Variants in DYRK1A observed in about 807,000 individuals in gnomAD.
DYRK1A encodes the protein dual specificity tyrosine phosphorylation regulated kinase 1A, also known as dual specificity tyrosine-phosphorylation-regulated kinase 1A.
DYRK1A carries 9 observed loss-of-function variants against 79.7 expected under a neutral mutation model. The ratio of observed to expected loss-of-function variants is 0.11; its 90% CI spans 0.07 to 0.20. DYRK1A has a LOEUF of 0.20. Among genes scored for constraint, DYRK1A ranks in the 10% least tolerant of loss-of-function variants. DYRK1A has a pLI of 1.00. For synonymous variants in DYRK1A, 349 were observed against 329.7 expected (o/e 1.06, Z -0.63); for missense variants, 622 against 956.0 (o/e 0.65, Z 4.61).
chr21:37,421,480 T>C (rs2050473945), intron 2 of DYRK1A, among the ~76,000 whole-genome samples: 1 of 152,150 alleles, frequency 6.6e-6, no homozygotes, highest in Non-Finnish European at 1.5e-5. Context: ...GAAGTCACCA[T>C]TTTAAGACCG....
At chr21:37,495,907 G>A (rs551217216) in intron 8 of DYRK1A, among the ~76,000 whole-genome samples, 1 of 152,226 alleles carries the variant, frequency 6.6e-6, no homozygotes, top group East Asian at 1.9e-4. Context: ...GACATAATAT[G>A]TTTGTTAATT....
intron 6 of DYRK1A, chr21:37,488,093 G>C (rs1391510050): frequency 3.3e-5 from 5 of 152,212 alleles, no homozygotes; most frequent in Admixed American, 3.3e-4. Flanking sequence ...GACATAGCTG[G>C]CATATAGTTA....
chr21:37,371,585 T>C (rs905703781), intron 1 of DYRK1A, among the ~76,000 whole-genome samples: 13 of 152,228 alleles, frequency 8.5e-5, no homozygotes, highest in African/African-American at 3.1e-4. Context: ...GAGCTATGTA[T>C]CTTCTCTTCT....
intron 2 of DYRK1A, among the ~76,000 whole-genome samples, chr21:37,446,614 G>T (rs1296031762): frequency 6.6e-6 from 1 of 150,512 alleles, no homozygotes; most frequent in South Asian, 2.1e-4. Flanking sequence ...TGGTGTTTCA[G>T]AGTTTACAAG....
intron 2 of DYRK1A, among the ~76,000 whole-genome samples, chr21:37,436,515 C>T (rs2050929413): frequency 6.6e-6 from 1 of 152,172 alleles, no homozygotes; most frequent in Non-Finnish European, 1.5e-5. Context: ...ATGGTTAAAG[C>T]ATAGGACTCT....
rs2053824547 is a variant in DYRK1A, at chr21:37,513,657, T to G, written c.*1126T>G. The G allele has an allele frequency of 6.6e-6, 1 of 152,654 alleles. No homozygotes were observed. The highest frequency in any genetic ancestry group is 1.9e-4 in the East Asian group (1 of 5,204). 9.5% of individuals were successfully genotyped at this position (152,654 alleles called of 1,614,324 possible). A position where few individuals can be genotyped will look rare whatever the true frequency, so the allele number is the denominator to read the frequency against. ...CCTGCTTTTTACTTTTTCTTTTGCTTTTTCTCGGCACGTGGTATCTCCACC... is the reference window on the plus strand; with the variant it reads ...CCTGCTTTTTACTTTTTCTTTTGCTGTTTCTCGGCACGTGGTATCTCCACC... On this transcript the variant is annotated 3_prime_UTR_variant, in exon 12 of 12. Transcript: ENST00000647188.
At chr21:37,410,160 G>A (rs750180874) in intron 1 of DYRK1A, among the ~76,000 whole-genome samples, 1 of 152,166 alleles carries the variant, frequency 6.6e-6, no homozygotes, top group Admixed American at 6.5e-5. Context: ...AATTGAGAAA[G>A]CATGATATTT....
At chr21:37,402,221 T>C (rs2050066285) in intron 1 of DYRK1A, among the ~76,000 whole-genome samples, 1 of 152,230 alleles carries the variant, frequency 6.6e-6, no homozygotes, top group Non-Finnish European at 1.5e-5. Flanking sequence ...TTATGAAAAC[T>C]TTGTTTCCAT....
chr21:37,407,942 T>C (rs893376338), intron 1 of DYRK1A, among the ~76,000 whole-genome samples: 4 of 152,142 alleles, frequency 2.6e-5, no homozygotes, highest in African/African-American at 7.2e-5. Flanking sequence ...AAAGGGAGTT[T>C]TACCCCGGCT....
chr21:37,491,450 T>C (rs2053091582), intron 7 of DYRK1A, among the ~76,000 whole-genome samples: 1 of 152,182 alleles, frequency 6.6e-6, no homozygotes, highest in African/African-American at 2.4e-5. Context: ...TACTGACTTT[T>C]CTGTTTCTTA....
At chr21:37,477,789 AGG>A (rs2052453433) in intron 3 of DYRK1A, among the ~76,000 whole-genome samples, 1 of 152,126 alleles carries the variant, frequency 6.6e-6, no homozygotes, top group African/African-American at 2.4e-5. Flanking sequence ...GTTGCCTCTG[AGG>A]GCTGGGTTTA....
intron 1 of DYRK1A, among the ~76,000 whole-genome samples, chr21:37,399,063 G>A (rs1370129424): frequency 6.6e-6 from 1 of 152,152 alleles, no homozygotes; most frequent in African/African-American, 2.4e-5. Context: ...GAAGTCAAGG[G>A]AAGCAGAGCT....
chr21:37,463,203 C>CGTGTGTGTGTGTGT (rs6147501), intron 2 of DYRK1A, among the ~76,000 whole-genome samples: 18,599 of 145,144 alleles, frequency 0.13, 1,322 homozygotes, highest in Admixed American at 0.18. Context: ...AATGTTGGCA[C>CGTGTGTGTGTGTGT]GTGTGTGTGT....
intron 1 of DYRK1A, among the ~76,000 whole-genome samples, chr21:37,413,308 TAA>T (rs1433025514): frequency 6.6e-6 from 1 of 152,202 alleles, no homozygotes; most frequent in East Asian, 1.9e-4. Flanking sequence ...CAATGGTTTA[TAA>T]AATGATATAT....
chr21:37,491,577 T>C (rs1227603596), intron 7 of DYRK1A, among the ~76,000 whole-genome samples: 2 of 152,230 alleles, frequency 1.3e-5, no homozygotes, highest in Middle Eastern at 6.3e-3. Context: ...CTTTTTGTTA[T>C]TTTCTGCAAC....
chr21:37,376,808 C>T lies in DYRK1A; in HGVS notation c.-77+9180C>T, dbSNP rs142655952. Among the ~76,000 whole-genome samples the T allele has an allele frequency of 2.5e-3, 381 of 151,756 alleles. 2 individuals are homozygous for T. The highest frequency in any genetic ancestry group is 0.01 in the Middle Eastern group (3 of 294). On this transcript the variant is annotated intron_variant, in intron 1 of 11. Transcript: ENST00000647188. ...GGATATTCTAGTTTTTAAAGAGATC[C>T]ACAAGTAGTATATAGTTTAAAAAAA...
chr21:37,466,608 G>C (rs1421303735), intron 2 of DYRK1A, among the ~76,000 whole-genome samples: 2 of 152,076 alleles, frequency 1.3e-5, no homozygotes, highest in Non-Finnish European at 2.9e-5. Context: ...GAGAAGGCTT[G>C]GTGTAGTCAG....
At chr21:37,405,589 G>A (rs1219579466) in intron 1 of DYRK1A, among the ~76,000 whole-genome samples, 3 of 152,082 alleles carry the variant, frequency 2.0e-5, no homozygotes, top group African/African-American at 4.8e-5. Context: ...GAAAAGAATC[G>A]TGAGCTTAGG....
intron 1 of DYRK1A, among the ~76,000 whole-genome samples, chr21:37,373,104 G>GT (rs1268933749): frequency 6.6e-6 from 1 of 152,184 alleles, no homozygotes; most frequent in Non-Finnish European, 1.5e-5. Context: ...TGCGGAACCT[G>GT]TATGTTGAAT....
Sources: allele counts gnomAD v4.1 joint callset (sites outside exome capture counted in the v4.1 genomes callset), GRCh38; gene constraint gnomAD v4.1.1; transcripts MANE v1.5; gene names NCBI Gene and HGNC (gene_info 2026-07-23, HGNC 2026-07-21).